The following HMGA2 variants were observed in gnomAD, a reference collection of about 807,000 sequenced individuals.
HMGA2 encodes the protein high mobility group protein HMGI-C.
A neutral mutation model predicts 19.1 loss-of-function variants in HMGA2; 8 were observed. That is an observed-to-expected ratio of 0.42 (90% confidence interval 0.25 to 0.76). HMGA2 has a LOEUF of 0.76. Ranked by LOEUF, HMGA2 falls within the 30% of genes least tolerant of loss-of-function variation. HMGA2 has a pLI of 0.28. For synonymous variants in HMGA2, 60 were observed against 48.8 expected, an observed-to-expected ratio of 1.23 and a Z score of -0.96; for missense variants, 109 against 136.3, an observed-to-expected ratio of 0.80 and a Z score of 1.00.
intron 3 of HMGA2, among the ~76,000 whole-genome samples, chr12:65,931,906 C>A (rs1264200820): frequency 6.6e-6 from 1 of 152,080 alleles, no homozygotes; most frequent in African/African-American, 2.4e-5. Context: ...TAGAGCAAGA[C>A]CCTGTCTCTC....
intron 4 of HMGA2, chr12:65,951,923 A>C (rs1454981983): frequency 1.8e-5 from 3 of 168,016 alleles, no homozygotes; most frequent in Non-Finnish European, 1.3e-5. Context: ...GCATTCTTAG[A>C]TCTTATTTAA....
intron 3 of HMGA2, among the ~76,000 whole-genome samples, chr12:65,911,978 T>C (rs1316858060): frequency 6.6e-6 from 1 of 151,760 alleles, no homozygotes; most frequent in Non-Finnish European, 1.5e-5. Context: ...TCTCTATGGA[T>C]CTGGCCATAT....
chr12:65,895,852 T>G (rs561464984), intron 3 of HMGA2, among the ~76,000 whole-genome samples: 1 of 152,346 alleles, frequency 6.6e-6, no homozygotes, highest in Non-Finnish European at 1.5e-5. Flanking sequence ...GATTCAGTAT[T>G]ATATGCTTTC....
chr12:65,958,465 T>C (rs1341028571), intron 4 of HMGA2: 1 of 152,218 alleles, frequency 6.6e-6, no homozygotes, highest in South Asian at 2.1e-4. Flanking sequence ...CACTTTCCAT[T>C]AAGTTAAACA....
chr12:65,855,242 T>C (rs1434134679), intron 3 of HMGA2, among the ~76,000 whole-genome samples: 2 of 152,190 alleles, frequency 1.3e-5, no homozygotes, highest in African/African-American at 4.8e-5. Flanking sequence ...AGATATTCAC[T>C]GAGAAAACTG....
chr12:65,948,685 T>C (rs554724739), intron 3 of HMGA2, among the ~76,000 whole-genome samples: 2 of 152,280 alleles, frequency 1.3e-5, no homozygotes, highest in African/African-American at 4.8e-5. Flanking sequence ...TCTGTTTGTT[T>C]GGTGGTCTGA....
chr12:65,886,896 A>T (rs536501776), intron 3 of HMGA2, among the ~76,000 whole-genome samples: 15 of 152,326 alleles, frequency 9.8e-5, no homozygotes, highest in African/African-American at 3.4e-4. Flanking sequence ...AGTCTATAGA[A>T]TTCCACATTT....
intron 3 of HMGA2, among the ~76,000 whole-genome samples, chr12:65,862,684 G>T (rs914499842): frequency 6.6e-6 from 1 of 152,178 alleles, no homozygotes; most frequent in Admixed American, 6.5e-5. Context: ...AGTGGATTTA[G>T]AATTCAAGAT....
chr12:65,907,113 G>A (rs1199299766), intron 3 of HMGA2, among the ~76,000 whole-genome samples: 2 of 151,990 alleles, frequency 1.3e-5, no homozygotes, highest in Non-Finnish European at 2.9e-5. Context: ...ATTAAAAGGG[G>A]TTGCTGGGTG....
chr12:65,837,660 G>A (rs982505556), intron 2 of HMGA2, among the ~76,000 whole-genome samples: 1 of 152,102 alleles, frequency 6.6e-6, no homozygotes, highest in Non-Finnish European at 1.5e-5. Flanking sequence ...TATGAAGATT[G>A]GACTAGGGCT....
intron 3 of HMGA2, among the ~76,000 whole-genome samples, chr12:65,869,087 A>G (rs1872579585): frequency 6.6e-6 from 1 of 152,162 alleles, no homozygotes; most frequent in South Asian, 2.1e-4. Context: ...CTCTCAACTG[A>G]TGAAAAGATT....
At chr12:65,913,601 T>C (rs920517891) in intron 3 of HMGA2, among the ~76,000 whole-genome samples, 4 of 152,182 alleles carry the variant, frequency 2.6e-5, no homozygotes, top group Non-Finnish European at 1.5e-5. Context: ...TCTCATAAGG[T>C]GTATTATTCA....
rs1870033141 is a variant in HMGA2 at position 65,824,720 on chromosome 12, TCTCTCTCTCTCTCTC to T, written c.-550_-536del. The T allele has an allele frequency of 1.2e-5, 1 of 82,482 alleles. No individual in the cohort carries two copies. The highest frequency in any genetic ancestry group is 4.7e-5 in the African/African-American group (1 of 21,186). 5.1% of individuals were successfully genotyped at this position (82,482 alleles called of 1,614,324 possible). On this transcript the variant is annotated 5_prime_UTR_variant, in exon 1 of 5. Coordinates refer to ENST00000403681, the MANE Select transcript of HMGA2 (RefSeq NM_003483.6). ...ACTTTCAATCTCAATCTCTTCTCTC[TCTCTCTCTCTCTCTC>T]TCTCTCTCTCTCTCTCTCTCTCTCT...
At chr12:65,960,780 A>G (rs915781927) in intron 4 of HMGA2, among the ~76,000 whole-genome samples, 1 of 152,250 alleles carries the variant, frequency 6.6e-6, no homozygotes, top group Non-Finnish European at 1.5e-5. Flanking sequence ...AGAAAGATAC[A>G]TTAATAAAAC....
At chr12:65,923,707 C>T (rs113006890) in intron 3 of HMGA2, among the ~76,000 whole-genome samples, 2 of 152,148 alleles carry the variant, frequency 1.3e-5, no homozygotes, top group Admixed American at 1.3e-4. Flanking sequence ...CAGACTTTAT[C>T]ACCCGTAAGA....
At chr12:65,883,739 C>T (rs549070199) in intron 3 of HMGA2, among the ~76,000 whole-genome samples, 2 of 152,326 alleles carry the variant, frequency 1.3e-5, no homozygotes, top group Admixed American at 6.5e-5. Context: ...TTACAATAAA[C>T]ATTCTTGCTT....
At chr12:65,836,364 G>GAAA (rs58470265) in intron 2 of HMGA2, among the ~76,000 whole-genome samples, 1 of 104,784 alleles carries the variant, frequency 9.5e-6, no homozygotes, top group Non-Finnish European at 2.3e-5. Flanking sequence ...GTCTCAAAAA[G>GAAA]AAAAAAAAAA....
intron 3 of HMGA2, among the ~76,000 whole-genome samples, chr12:65,923,183 A>G (rs1275240791): frequency 6.6e-6 from 1 of 152,118 alleles, no homozygotes; most frequent in Admixed American, 6.5e-5. Flanking sequence ...TCCTCCTGCT[A>G]ATTTAGTTGG....
At chr12:65,905,309 A>G (rs1257400477) in intron 3 of HMGA2, among the ~76,000 whole-genome samples, 3 of 152,164 alleles carry the variant, frequency 2.0e-5, no homozygotes, top group African/African-American at 7.2e-5. Context: ...TTTGTAGGTA[A>G]AAAAATTGAA....
Sources: gnomAD v4.1 joint callset for allele counts (sites outside exome capture counted in the v4.1 genomes callset) on GRCh38, gnomAD v4.1.1 for gene constraint, MANE v1.5 for transcripts, NCBI Gene and HGNC (gene_info 2026-07-23, HGNC 2026-07-21) for gene names.